Variants in COLEC12 observed in about 807,000 individuals in gnomAD.
The protein encoded by COLEC12 is collectin subfamily member 12.
In COLEC12, 33 loss-of-function variants were observed where a neutral mutation model predicts 71.1. The observed-to-expected ratio is 0.46, with a 90% CI of 0.35 to 0.62. The LOEUF (loss-of-function observed/expected upper bound fraction) is 0.62, where lower values mean the gene tolerates loss of function less well. Among genes scored for constraint, COLEC12 ranks in the 20% least tolerant of loss-of-function variants. The pLI is 0.00. For synonymous variants in COLEC12, 350 were observed against 353.0 expected, an observed-to-expected ratio of 0.99 and a Z score of 0.10; for missense variants, 765 against 916.1, an observed-to-expected ratio of 0.84 and a Z score of 2.13.
At chr18:356,047 G>A (rs370329703) in intron 3 of COLEC12, among the ~76,000 whole-genome samples, 15 of 152,090 alleles carry the variant, frequency 9.9e-5, no homozygotes, top group South Asian at 2.1e-4. Context: ...TATTTTCCAC[G>A]TATATGGCCT....
At chr18:403,753 C>A (rs1003685677) in intron 2 of COLEC12, among the ~76,000 whole-genome samples, 6 of 152,210 alleles carry the variant, frequency 3.9e-5, no homozygotes, top group African/African-American at 1.4e-4. Context: ...GAAAAGTTAT[C>A]TTTTCAAATC....
rs1452839442 is a variant in COLEC12, at chr18:319,407, A to T, written c.*638T>A. On this transcript the variant is annotated 3_prime_UTR_variant, in exon 10 of 10. Transcript: ENST00000400256. ...ATTTTTTTAAAGCCACAATTGAAAA[A>T]ATTCTTTGCCACTGGGTAGAATTAA... 2 of 145,614 alleles carry T rather than the reference A, an allele frequency of 1.4e-5. No homozygotes were observed. The highest frequency in any genetic ancestry group is 1.4e-4 in the Admixed American group (2 of 14,234). The allele number at this position is 145,614 out of a possible 1,614,324, so 9.0% of individuals were successfully genotyped here. A position where few individuals can be genotyped will look rare whatever the true frequency, so the allele number is the denominator to read the frequency against.
At position 334,829 on chromosome 18, in the gene COLEC12, T is replaced by G; in HGVS notation, c.1729A>C (p.Lys577Gln). The change falls in exon 6 of 10, where the codon AAG (lysine) becomes CAG (glutamine). Residue 577 changes from lysine (K) to glutamine (Q), a missense_variant. Lys to Gln is a moderately conservative substitution (Grantham distance 53). Transcript: ENST00000400256. Reference protein sequence around the residue: ...LPGVPGMPGPKGPPGPPGPSG... With the variant: ...LPGVPGMPGPQGPPGPPGPSG... ...GGGCCAGGAGGGCCGGGGGGGCCCT[T>G]GGGGCCTGGCATGCCTGGTACCCCA... The G allele has an allele frequency of 6.6e-7, 1 of 1,518,618 alleles. No homozygotes were observed. The highest frequency in any genetic ancestry group is 8.8e-7 in the Non-Finnish European group (1 of 1,141,284). 94.1% of individuals were successfully genotyped at this position (1,518,618 alleles called of 1,614,324 possible).
chr18:418,555 T>C (rs142369852), intron 2 of COLEC12, among the ~76,000 whole-genome samples: 3 of 152,128 alleles, frequency 2.0e-5, no homozygotes, highest in East Asian at 3.9e-4. Flanking sequence ...CAGGATAAGA[T>C]AGGAGGTCAG....
chr18:414,237 G>A (rs941942294), intron 2 of COLEC12, among the ~76,000 whole-genome samples: 3 of 152,166 alleles, frequency 2.0e-5, no homozygotes, highest in African/African-American at 7.2e-5. Flanking sequence ...GGAAGCTTCA[G>A]GGGTGACTTG....
Position 480,642 on chromosome 18 carries a change from C to CT in COLEC12, c.58+64dup, listed in dbSNP as rs1917395739. 1.4e-6 allele frequency: 2 copies of CT among 1,427,738 alleles called. No homozygotes were observed. Among genetic ancestry groups the CT allele is most frequent in the Non-Finnish European group, 2.0e-6 (2 of 1,010,012 alleles). 88.4% of individuals were successfully genotyped at this position (1,427,738 alleles called of 1,614,324 possible). A position where few individuals can be genotyped will look rare whatever the true frequency, so the allele number is the denominator to read the frequency against. The stretch of plus-strand genomic sequence containing the variant: ...CCTGCCAGTGGCCTGCCAATGGTCT[C>CT]TGAGGGTTCGTGGCTGCATCCCAGG... On this transcript the variant is annotated intron_variant, in intron 2 of 9. Coordinates refer to ENST00000400256, the MANE Select transcript of COLEC12 (RefSeq NM_130386.3). This position sits in a 1 kb window ranked among gnomAD's most constrained non-coding sequence, Gnocchi z 4.1.
chr18:373,973 C>G (rs1281700002), intron 2 of COLEC12, among the ~76,000 whole-genome samples: 1 of 152,206 alleles, frequency 6.6e-6, no homozygotes, highest in Non-Finnish European at 1.5e-5. Flanking sequence ...AGGCCCTGTT[C>G]CACAAATGAC....
chr18:464,036 C>A (rs1341179775), intron 2 of COLEC12, among the ~76,000 whole-genome samples: 2 of 152,136 alleles, frequency 1.3e-5, no homozygotes, highest in Non-Finnish European at 2.9e-5. Flanking sequence ...TTCTCTCCAT[C>A]CCCACCCACA....
chr18:445,560 C>T (rs1425085902), intron 2 of COLEC12, among the ~76,000 whole-genome samples: 1 of 151,558 alleles, frequency 6.6e-6, no homozygotes, highest in Non-Finnish European at 1.5e-5. Flanking sequence ...AACCAATTTT[C>T]CAATTTTAGA....
chr18:465,933 G>A lies in COLEC12; in HGVS notation c.58+14774C>T, dbSNP rs959388009. Reference sequence around the variant, plus strand: ...ACCAAAAAATATAAACATTAGCCGGGCGTGGGGGCACAAACCTGTAGTCCC... The same window carrying A: ...ACCAAAAAATATAAACATTAGCCGGACGTGGGGGCACAAACCTGTAGTCCC... On this transcript the variant is annotated intron_variant, in intron 2 of 9. Coordinates refer to ENST00000400256, the MANE Select transcript of COLEC12 (RefSeq NM_130386.3). Among the ~76,000 whole-genome samples, 14 of 152,130 alleles carry A rather than the reference G, an allele frequency of 9.2e-5. 1 individual carries two copies. The highest frequency in any genetic ancestry group is 7.9e-4 in the Admixed American group (12 of 15,272).
At chr18:423,982 C>G (rs1916149825) in intron 2 of COLEC12, 1 of 152,142 alleles carries the variant, frequency 6.6e-6, no homozygotes, top group African/African-American at 2.4e-5. Context: ...TTGCTCCTTC[C>G]AAATGGGAGG....
chr18:392,117 G>A (rs988482444), intron 2 of COLEC12, among the ~76,000 whole-genome samples: 3 of 152,162 alleles, frequency 2.0e-5, no homozygotes, highest in African/African-American at 7.2e-5. Flanking sequence ...TGAACAAAGA[G>A]CATCCTTGGA....
intron 1 of COLEC12, among the ~76,000 whole-genome samples, chr18:482,439 G>A (rs937602493): frequency 1.3e-5 from 2 of 151,654 alleles, no homozygotes; most frequent in Admixed American, 6.6e-5. Context: ...CAAGTAAGAG[G>A]TGCCAAAGCC....
chr18:368,844 CAACA>C (rs1914928595), intron 2 of COLEC12, among the ~76,000 whole-genome samples: 1 of 152,134 alleles, frequency 6.6e-6, no homozygotes, highest in Non-Finnish European at 1.5e-5. Context: ...CCAGCCTGGG[CAACA>C]GAGCGAGACT....
chr18:451,950 G>T (rs1054810736), intron 2 of COLEC12, among the ~76,000 whole-genome samples: 5 of 152,138 alleles, frequency 3.3e-5, no homozygotes, highest in Non-Finnish European at 5.9e-5. Flanking sequence ...TGGGGAGAAG[G>T]CCTGGAAGGC....
intron 8 of COLEC12, among the ~76,000 whole-genome samples, chr18:329,973 A>G (rs1006328123): frequency 1.1e-4 from 17 of 152,236 alleles, no homozygotes; most frequent in East Asian, 3.9e-4. Flanking sequence ...GGGACTTGGG[A>G]GTCTGAGGTG....
intron 1 of COLEC12, among the ~76,000 whole-genome samples, chr18:497,397 T>A (rs1440393462): frequency 9.0e-5 from 9 of 100,542 alleles, no homozygotes; most frequent in African/African-American, 4.2e-4. Flanking sequence ...TGTGTGTGTG[T>A]GTGTGTGTGT....
In COLEC12 at chr18:316,757, GT is replaced by G. The variant is rs1006773876; in HGVS notation, c.*3287del. On this transcript the variant is annotated 3_prime_UTR_variant, in exon 10 of 10. Coordinates refer to ENST00000400256, the MANE Select transcript of COLEC12 (RefSeq NM_130386.3). ...ATTGATCGTAGAAAAGGAAAAGAAAGTTTTTATTTTTTGCCTTGTTGTGCAT... is the reference window on the plus strand; with the variant it reads ...ATTGATCGTAGAAAAGGAAAAGAAAGTTTTATTTTTTGCCTTGTTGTGCAT... 1 of 152,216 alleles carries G rather than the reference GT, an allele frequency of 6.6e-6. No homozygotes were observed. 9.4% of individuals were successfully genotyped at this position (152,216 alleles called of 1,614,324 possible). A position where few individuals can be genotyped will look rare whatever the true frequency, so the allele number is the denominator to read the frequency against.
Position 326,081 on chromosome 18 carries a change from A to C in COLEC12, c.2064-4274T>G, listed in dbSNP as rs529213217. 4.6e-5 allele frequency among the ~76,000 whole-genome samples: 7 copies of C among 152,296 alleles called. No individual in the cohort carries two copies. In the South Asian group the frequency reaches 8.3e-4, roughly 18 times the overall value. ...GTGGAAGCTTAGATCATTGATTTTCAACCTTTAAACAAGGTTTCTAATATA... is the reference window on the plus strand; with the variant it reads ...GTGGAAGCTTAGATCATTGATTTTCCACCTTTAAACAAGGTTTCTAATATA... On this transcript the variant is annotated intron_variant, in intron 8 of 9. Transcript: ENST00000400256.
Sources: gnomAD v4.1 joint callset for allele counts (sites outside exome capture counted in the v4.1 genomes callset) on GRCh38, gnomAD v4.1.1 for gene constraint, Gnocchi (gnomAD v3.1) non-coding constraint, MANE v1.5 for transcripts, NCBI Gene and HGNC (gene_info 2026-07-23, HGNC 2026-07-21) for gene names.